The following TTC28 variants were observed in gnomAD, a reference collection of about 807,000 sequenced individuals.
The protein encoded by TTC28 is tetratricopeptide repeat protein 28.
TTC28 carries 61 observed loss-of-function variants against 198.0 expected under a neutral mutation model. That is an observed-to-expected ratio of 0.31 (90% CI 0.25 to 0.38). TTC28 has a LOEUF of 0.38. Ranked by LOEUF, TTC28 falls within the 10% of genes least tolerant of loss-of-function variation. The probability of loss-of-function intolerance (pLI) is 1.00; values close to 1 mark genes in which losing one functional copy is unlikely to be tolerated. For missense variants in TTC28, 2,678 were observed against 3,164.0 expected, an observed-to-expected ratio of 0.85 and a Z score of 3.69; for synonymous variants, 1,171 against 1,297.8, an observed-to-expected ratio of 0.90 and a Z score of 2.10.
At chr22:28,380,435 C>A (rs182894960) in intron 2 of TTC28, among the ~76,000 whole-genome samples, 27 of 152,160 alleles carry the variant, frequency 1.8e-4, no homozygotes, top group African/African-American at 6.0e-4. Context: ...TGAAACAAAT[C>A]CCAAAATAAT....
chr22:28,387,327 A>C (rs1285748092), intron 2 of TTC28, among the ~76,000 whole-genome samples: 2 of 152,222 alleles, frequency 1.3e-5, no homozygotes, highest in African/African-American at 2.4e-5. Context: ...TCTTTATAGC[A>C]GCATGATTTA....
At chr22:28,567,219 A>G (rs1381614434) in intron 2 of TTC28, among the ~76,000 whole-genome samples, 3 of 136,334 alleles carry the variant, frequency 2.2e-5, no homozygotes, top group African/African-American at 7.9e-5. Flanking sequence ...CCATCTCGGA[A>G]AAAAAAAAAA....
At chr22:28,212,491 A>G (rs1488447220) in intron 5 of TTC28, among the ~76,000 whole-genome samples, 1 of 135,952 alleles carries the variant, frequency 7.4e-6, no homozygotes, top group Non-Finnish European at 1.6e-5. Flanking sequence ...AGAGAATACC[A>G]GAAACACCTC....
intron 2 of TTC28, among the ~76,000 whole-genome samples, chr22:28,404,051 T>A (rs2046959627): frequency 1.3e-5 from 2 of 152,194 alleles, no homozygotes; most frequent in Admixed American, 1.3e-4. Context: ...AAATGACACA[T>A]AGCTACTAAC....
At chr22:28,122,931 A>ACAC (rs2146943373) in intron 6 of TTC28, among the ~76,000 whole-genome samples, 1 of 152,360 alleles carries the variant, frequency 6.6e-6, no homozygotes, top group Admixed American at 6.5e-5. Flanking sequence ...GGACAGAACC[A>ACAC]CACCAGTTAT....
intron 2 of TTC28, among the ~76,000 whole-genome samples, chr22:28,432,223 T>A (rs1469684563): frequency 2.0e-5 from 3 of 151,334 alleles, no homozygotes; most frequent in Admixed American, 6.6e-5. Context: ...GAGGTGGAGC[T>A]TGCAGTGAGC....
rs376687530 is a variant in TTC28, at chr22:28,001,477, A to G, written c.4295T>C (p.Ile1432Thr). ...GCTTCCCTTCAGGAGGGCGAAAGGA[A>G]TGAGGTAGAGCTCCCCCTCCAGAAC... ...ILVLEGELYL[I>T]PFALLKGSSS... The change falls in exon 15 of 23, where the codon ATT becomes ACT. Residue 1432 changes from isoleucine to threonine, a missense_variant. Coordinates refer to ENST00000397906, the MANE Select transcript of TTC28 (RefSeq NM_001145418.2). The G allele has an allele frequency of 2.3e-5, 35 of 1,551,460 alleles. No homozygotes were observed. The highest frequency in any genetic ancestry group is 1.8e-4 in the African/African-American group (13 of 73,068).
At chr22:28,394,958 C>G (rs551120486) in intron 2 of TTC28, among the ~76,000 whole-genome samples, 2 of 152,130 alleles carry the variant, frequency 1.3e-5, no homozygotes, top group Non-Finnish European at 2.9e-5. Context: ...ATGACTTCTA[C>G]TTGAACCAGC....
In TTC28 at chr22:28,107,721, A is replaced by T. The variant is rs1942356486; in HGVS notation, c.2124T>A (p.Asn708Lys). ...GGGCTCGAAATTTAGCCTGGGAATTATTCAGAGACTGGGCTAGGGACAGTA... is the reference window on the plus strand; with the variant it reads ...GGGCTCGAAATTTAGCCTGGGAATTTTTCAGAGACTGGGCTAGGGACAGTA... ...KYLLSLAQSLNNSQAKFRALG... is the reference protein window; with the variant it reads ...KYLLSLAQSLKNSQAKFRALG... The change falls in exon 7 of 23, where the codon AAT becomes AAA. Residue 708 changes from asparagine to lysine, a missense_variant. This residue lies in a region of TTC28 where 775 missense variants were observed against 845.9 expected (regional missense o/e 0.92). Coordinates refer to ENST00000397906, the MANE Select transcript of TTC28 (RefSeq NM_001145418.2). 1.3e-6 allele frequency: 2 copies of T among 1,551,728 alleles called. No homozygotes were observed. Among genetic ancestry groups the T allele is most frequent in the Admixed American group, 3.9e-5 (2 of 50,986 alleles).
intron 2 of TTC28, among the ~76,000 whole-genome samples, chr22:28,465,489 T>C (rs1374291096): frequency 6.6e-6 from 1 of 151,992 alleles, no homozygotes; most frequent in African/African-American, 2.4e-5. Flanking sequence ...GCCGGCGTGG[T>C]GGTGTGTGCC....
At chr22:28,436,063 A>G (rs2047515748) in intron 2 of TTC28, among the ~76,000 whole-genome samples, 1 of 152,228 alleles carries the variant, frequency 6.6e-6, no homozygotes, top group East Asian at 1.9e-4. Flanking sequence ...CCACCACCTC[A>G]TAACTGTGAC....
At chr22:28,032,271 T>TATATATATA (rs1569095159) in intron 12 of TTC28, among the ~76,000 whole-genome samples, 47 of 94,338 alleles carry the variant, frequency 5.0e-4, no homozygotes, top group African/African-American at 1.6e-3. Flanking sequence ...ATATATAGTG[T>TATATATATA]GTGTGTGTGT....
intron 2 of TTC28, among the ~76,000 whole-genome samples, chr22:28,403,521 T>G (rs1442532170): frequency 6.6e-6 from 1 of 152,156 alleles, no homozygotes; most frequent in Admixed American, 6.5e-5. Context: ...TACCTTCTGT[T>G]TTAGGTCCTC....
At chr22:28,561,979 T>C (rs1425964591) in intron 2 of TTC28, among the ~76,000 whole-genome samples, 1 of 152,214 alleles carries the variant, frequency 6.6e-6, no homozygotes, top group African/African-American at 2.4e-5. Context: ...GTCTGATTTG[T>C]ATACCATTAT....
Position 27,990,779 on chromosome 22 carries a change from T to C in TTC28, c.5577+10A>G, listed in dbSNP as rs1937373144. 6.5e-7 allele frequency: 1 copy of C among 1,550,166 alleles called. No homozygotes were observed. The highest frequency in any genetic ancestry group is 1.4e-5 in the African/African-American group (1 of 73,034). On this transcript the variant is annotated intron_variant, in intron 20 of 22. Coordinates refer to ENST00000397906, the MANE Select transcript of TTC28 (RefSeq NM_001145418.2). Reference sequence around the variant, plus strand: ...ACCTGACAACAGTTGCTACTTAAAGTAGTACTCACCATTCCAACCATATTT... The same window carrying C: ...ACCTGACAACAGTTGCTACTTAAAGCAGTACTCACCATTCCAACCATATTT...
chr22:28,254,386 C>T (rs574540157), intron 5 of TTC28, among the ~76,000 whole-genome samples: 2 of 151,320 alleles, frequency 1.3e-5, no homozygotes, highest in African/African-American at 4.9e-5. Context: ...TTGGGAAAGC[C>T]CCAGGAATTA....
chr22:28,353,672 T>C (rs1024375333), intron 2 of TTC28, among the ~76,000 whole-genome samples: 10 of 152,154 alleles, frequency 6.6e-5, no homozygotes, highest in African/African-American at 1.9e-4. Context: ...GGTGGACCCT[T>C]ACCTTATACT....
At chr22:28,418,364 C>G (rs943163184) in intron 2 of TTC28, among the ~76,000 whole-genome samples, 1 of 152,202 alleles carries the variant, frequency 6.6e-6, no homozygotes, top group Admixed American at 6.5e-5. Context: ...CTTCAAAATA[C>G]TCAATCAGCA....
At chr22:28,353,512 C>A (rs1054429048) in intron 2 of TTC28, among the ~76,000 whole-genome samples, 2 of 152,094 alleles carry the variant, frequency 1.3e-5, no homozygotes, top group Non-Finnish European at 2.9e-5. Context: ...ACCAATGGAA[C>A]AGAACAGAGA....
Sources: gnomAD v4.1 joint callset for allele counts (sites outside exome capture counted in the v4.1 genomes callset) on GRCh38, gnomAD v4.1.1 for gene constraint, gnomAD v4.1.1 regional missense constraint, MANE v1.5 for transcripts, NCBI Gene and HGNC (gene_info 2026-07-23, HGNC 2026-07-21) for gene names.